Variants in CDH23 observed in about 807,000 individuals in gnomAD.
CDH23 encodes cadherin related 23.
CDH23 carries 189 observed loss-of-function variants against 317.1 expected under a neutral mutation model. The ratio of observed to expected loss-of-function variants is 0.60; its 90% CI spans 0.53 to 0.67. The LOEUF is 0.67. Ranked by LOEUF, CDH23 falls within the 30% of genes least tolerant of loss-of-function variation. The pLI, the probability that CDH23 is intolerant of heterozygous loss-of-function variation, is 0.00. For synonymous variants in CDH23, 1,839 were observed against 1,876.8 expected, an observed-to-expected ratio of 0.98 and a Z score of 0.52; for missense variants, 4,401 against 4,592.4, an observed-to-expected ratio of 0.96 and a Z score of 1.20.
At chr10:71,690,844 C>T (rs897868525) in intron 20 of CDH23, among the ~76,000 whole-genome samples, 34 of 152,234 alleles carry the variant, frequency 2.2e-4, no homozygotes, top group African/African-American at 8.0e-4. Flanking sequence ...TGTGCTCCAT[C>T]TTACAAAGAG....
At chr10:71,734,740 C>CCCACCT in intron 34 of CDH23, 82 bp downstream of exon 34, 1 of 878,396 alleles carries the variant, frequency 1.1e-6, no homozygotes, top group Non-Finnish European at 1.7e-6. Context: ...CCTGGACCTT[C>CCCACCT]CCACCTCTCC....
chr10:71,641,169 C>T (rs866049479), intron 11 of CDH23, among the ~76,000 whole-genome samples: 153 of 152,174 alleles, frequency 1.0e-3, no homozygotes, highest in African/African-American at 3.4e-3. Context: ...CTCTCCCTGC[C>T]GCAGTGATGT....
At chr10:71,701,713 AAAGG>A (rs1401668646) in intron 22 of CDH23, among the ~76,000 whole-genome samples, 1 of 152,058 alleles carries the variant, frequency 6.6e-6, no homozygotes, top group Non-Finnish European at 1.5e-5. Flanking sequence ...CTAATGCTTC[AAAGG>A]AAGGAAGGGA....
At chr10:71,590,877 A>AAAAAAAC (rs1564673707) in intron 9 of CDH23, among the ~76,000 whole-genome samples, 11 of 123,004 alleles carry the variant, frequency 8.9e-5, no homozygotes, top group African/African-American at 1.1e-4. Context: ...TGTCTCTAAA[A>AAAAAAAC]AAAAAAAAAC....
intron 8 of CDH23, among the ~76,000 whole-genome samples, chr10:71,575,636 G>A (rs1030539077): frequency 6.6e-6 from 1 of 152,194 alleles, no homozygotes; most frequent in African/African-American, 2.4e-5. Flanking sequence ...CCCTTGGCAG[G>A]TCGCACCCTG....
At chr10:71,424,141 C>A (rs150886428) in intron 1 of CDH23, among the ~76,000 whole-genome samples, 1 of 152,216 alleles carries the variant, frequency 6.6e-6, no homozygotes, top group Non-Finnish European at 1.5e-5. Context: ...TATCCCGCCA[C>A]GTAGGTGCTG....
At chr10:71,703,136 T>G (rs151210476) in intron 24 of CDH23, among the ~76,000 whole-genome samples, 194 of 152,332 alleles carry the variant, frequency 1.3e-3, no homozygotes, top group African/African-American at 4.5e-3. Context: ...TAAAGAGACT[T>G]GCCCAAGACC....
chr10:71,446,167 G>T (rs1044582561), intron 2 of CDH23, 151 bp from the exon 3 acceptor site: 2 of 738,364 alleles, frequency 2.7e-6, no homozygotes, highest in South Asian at 1.6e-5. Flanking sequence ...TTGCCTTGAG[G>T]CAGGATAGTG....
chr10:71,442,030 AT>A (rs1465008592), intron 2 of CDH23, among the ~76,000 whole-genome samples: 9 of 152,232 alleles, frequency 5.9e-5, no homozygotes, highest in African/African-American at 1.9e-4. Context: ...GATCAAATGG[AT>A]TAATCTGTAC....
chr10:71,433,343 G>A (rs1339648524), intron 1 of CDH23, among the ~76,000 whole-genome samples: 1 of 152,180 alleles, frequency 6.6e-6, no homozygotes, highest in Non-Finnish European at 1.5e-5. Context: ...GTACAGCTAT[G>A]GCAATTTCCT....
chr10:71,489,462 C>T (rs1852525637), intron 3 of CDH23, among the ~76,000 whole-genome samples: 1 of 152,178 alleles, frequency 6.6e-6, no homozygotes, highest in Admixed American at 6.5e-5. Flanking sequence ...ATTTGCAAGC[C>T]TCTCTTTCCA....
chr10:71,469,591 C>T (rs549250161), intron 3 of CDH23, among the ~76,000 whole-genome samples: 16 of 148,742 alleles, frequency 1.1e-4, no homozygotes, highest in African/African-American at 2.7e-4. Flanking sequence ...ATAAAGCTTT[C>T]GTGAACATTT....
At chr10:71,493,634 C>T (rs1852788560) in intron 3 of CDH23, among the ~76,000 whole-genome samples, 1 of 152,190 alleles carries the variant, frequency 6.6e-6, no homozygotes. Context: ...ATTTTCTTTA[C>T]CACCTTGTGG....
chr10:71,777,533 C>CCCCTGTG, intron 38 of CDH23, 147 bp from the exon 39 acceptor site: 2 of 689,932 alleles, frequency 2.9e-6, no homozygotes, highest in East Asian at 5.4e-5. Context: ...CTCTCTCTAC[C>CCCCTGTG]AGCCTGTGAC....
intron 1 of CDH23, among the ~76,000 whole-genome samples, chr10:71,435,085 C>T (rs890025356): frequency 1.3e-5 from 2 of 152,176 alleles, no homozygotes; most frequent in Non-Finnish European, 2.9e-5. Context: ...CTGAGCTCAG[C>T]AAGGGTTGGG....
intron 11 of CDH23, among the ~76,000 whole-genome samples, chr10:71,639,584 G>C (rs972582081): frequency 1.3e-5 from 2 of 152,204 alleles, no homozygotes; most frequent in Admixed American, 1.3e-4. Flanking sequence ...GAGGCGGGGT[G>C]GGGGCAAACT....
intron 29 of CDH23, 73 bp from the exon 30 acceptor site, chr10:71,725,299 A>G (rs537765940): frequency 4.4e-6 from 7 of 1,606,972 alleles, no homozygotes; most frequent in African/African-American, 4.0e-5. Flanking sequence ...TCTGCCCCCA[A>G]CCATGGCAGG....
chr10:71,719,202 G>A (rs1866435071), intron 28 of CDH23, among the ~76,000 whole-genome samples: 1 of 152,228 alleles, frequency 6.6e-6, no homozygotes, highest in Non-Finnish European at 1.5e-5. Flanking sequence ...CACGAGGCAA[G>A]TCCAGCTGCC....
chr10:71,731,002 CA>C (rs1272496853), intron 31 of CDH23, among the ~76,000 whole-genome samples: 3 of 152,244 alleles, frequency 2.0e-5, no homozygotes, highest in Admixed American at 6.5e-5. Context: ...AGGACCAGCT[CA>C]GGGCCTAGCA....
Sources: allele counts gnomAD v4.1 joint callset (sites outside exome capture counted in the v4.1 genomes callset), GRCh38; gene constraint gnomAD v4.1.1; transcripts MANE v1.5; gene names NCBI Gene and HGNC (gene_info 2026-07-23, HGNC 2026-07-21).